ARMC2: variants seen among roughly 807,000 people sequenced by gnomAD.
ARMC2 encodes the protein armadillo repeat containing 2.
A neutral mutation model predicts 90.3 loss-of-function variants in ARMC2; 67 were observed. The ratio of observed to expected loss-of-function variants is 0.74; its 90% CI spans 0.61 to 0.91. ARMC2 has a LOEUF of 0.91. Ranked by LOEUF, ARMC2 falls within the 40% of genes least tolerant of loss-of-function variation. ARMC2 has a pLI of 0.00. For synonymous variants in ARMC2, 393 were observed against 393.0 expected, an observed-to-expected ratio of 1.00 and a Z score of 0.00; for missense variants, 920 against 1,030.9, an observed-to-expected ratio of 0.89 and a Z score of 1.47.
intron 17 of ARMC2, among the ~76,000 whole-genome samples, chr6:108,967,722 G>A (rs1375987492): frequency 1.3e-5 from 2 of 152,038 alleles, no homozygotes; most frequent in African/African-American, 4.8e-5. Flanking sequence ...TCTTTTTATT[G>A]TTGTTGTTTC....
At chr6:109,013,564 A>G in the ARMC2 span, among the ~76,000 whole-genome samples, 2 of 152,242 alleles carry the variant, frequency 1.3e-5, no homozygotes, top group African/African-American at 4.8e-5. Flanking sequence ...TAGAAAAAGC[A>G]GTAATTAGGT....
chr6:108,942,471 G>T (rs755152532), intron 12 of ARMC2, among the ~76,000 whole-genome samples: 1 of 152,164 alleles, frequency 6.6e-6, no homozygotes, highest in Non-Finnish European at 1.5e-5. Flanking sequence ...TCTGATGTGA[G>T]TGTATTGATC....
In ARMC2 at chr6:108,858,226, T is replaced by C. The variant is rs145671233; in HGVS notation, c.246T>C (p.Ser82=). The C allele has an allele frequency of 2.5e-6, 4 of 1,611,472 alleles. No individual in the cohort carries two copies. The highest frequency in any genetic ancestry group is 3.4e-6 in the Non-Finnish European group (4 of 1,178,132). The part of the protein sequence containing the change: ...FSLHASSFES[S]DSRPISGTRL... ...TCCATGCATCCAGTTTTGAGTCATC[T>C]GATTCCAGGCCTATCTCTGGCACAC... Residue 82 remains serine, a synonymous_variant, in exon 3 of 18, where the codon TCT becomes TCC. Coordinates refer to ENST00000392644, the MANE Select transcript of ARMC2 (RefSeq NM_032131.6).
intron 17 of ARMC2, among the ~76,000 whole-genome samples, chr6:108,967,513 T>A (rs1778454997): frequency 6.6e-6 from 1 of 152,134 alleles, no homozygotes; most frequent in Admixed American, 6.5e-5. Flanking sequence ...AGTCACCCCT[T>A]GGTATCTGGG....
chr6:108,903,029 G>A (rs1312295135), intron 7 of ARMC2, among the ~76,000 whole-genome samples: 1 of 152,104 alleles, frequency 6.6e-6, no homozygotes, highest in East Asian at 1.9e-4. Context: ...TTAGCCAGGT[G>A]TGGTGACAAG....
intron 10 of ARMC2, 132 bp downstream of exon 10, chr6:108,912,690 C>A: frequency 1.3e-6 from 1 of 748,102 alleles, no homozygotes; most frequent in Non-Finnish European, 2.2e-6. Flanking sequence ...GGGCAGCAGC[C>A]ATAGCCCACC....
intron 5 of ARMC2, among the ~76,000 whole-genome samples, chr6:108,890,062 C>T (rs1472558483): frequency 1.4e-5 from 2 of 147,476 alleles, no homozygotes; most frequent in East Asian, 2.0e-4. Flanking sequence ...TAGTGGCGGG[C>T]GCCTGTAGTC....
intron 3 of ARMC2, among the ~76,000 whole-genome samples, chr6:108,865,348 G>A (rs1775709700): frequency 6.6e-6 from 1 of 152,140 alleles, no homozygotes; most frequent in East Asian, 1.9e-4. Context: ...AATTTTATAA[G>A]AGAAACATGT....
At chr6:108,888,588 A>C (rs1273051874) in intron 5 of ARMC2, among the ~76,000 whole-genome samples, 6 of 152,236 alleles carry the variant, frequency 3.9e-5, no homozygotes, top group African/African-American at 7.2e-5. Flanking sequence ...ATTTCTTTTG[A>C]GTACATAAGT....
chr6:109,009,466 C>G, the ARMC2 span: 7 of 1,279,720 alleles, frequency 5.5e-6, no homozygotes, highest in South Asian at 1.8e-4. Context: ...CGCATGTCGG[C>G]GCGGGGACGG....
At chr6:108,884,751 G>A (rs1039489067) in intron 5 of ARMC2, among the ~76,000 whole-genome samples, 1 of 152,172 alleles carries the variant, frequency 6.6e-6, no homozygotes, top group African/African-American at 2.4e-5. Context: ...AAATAAAGGT[G>A]CACCACTGAG....
At chr6:108,980,905 C>CA in the ARMC2 span, among the ~76,000 whole-genome samples, 2 of 152,016 alleles carry the variant, frequency 1.3e-5, no homozygotes, top group Admixed American at 6.5e-5. Flanking sequence ...CAAAACAAAA[C>CA]AAAAAAACCT....
chr6:108,996,242 T>C, the ARMC2 span, among the ~76,000 whole-genome samples: 1 of 152,216 alleles, frequency 6.6e-6, no homozygotes, highest in Non-Finnish European at 1.5e-5. Flanking sequence ...TGCTTTACAT[T>C]TTCTTTTGAT....
chr6:108,962,986 G>A (rs936720137), intron 15 of ARMC2, among the ~76,000 whole-genome samples: 13 of 152,122 alleles, frequency 8.5e-5, no homozygotes, highest in Non-Finnish European at 1.9e-4. Flanking sequence ...GAGACAGAGC[G>A]ACACTCTATC....
At chr6:108,953,801 A>G (rs976130031) in intron 13 of ARMC2, among the ~76,000 whole-genome samples, 3 of 152,126 alleles carry the variant, frequency 2.0e-5, no homozygotes, top group African/African-American at 7.2e-5. Context: ...TTCTTACATT[A>G]TTTGTAATTA....
the ARMC2 span, chr6:108,986,987 C>CT: frequency 2.0e-5 from 3 of 152,550 alleles, no homozygotes; most frequent in East Asian, 1.9e-4. Context: ...GAATTCTATG[C>CT]TTTTTTAGAT....
At chr6:108,996,763 A>T in the ARMC2 span, among the ~76,000 whole-genome samples, 2 of 152,208 alleles carry the variant, frequency 1.3e-5, no homozygotes, top group Non-Finnish European at 2.9e-5. Flanking sequence ...GAACAGAATA[A>T]TACACCAACA....
chr6:108,990,580 C>T, the ARMC2 span: 1 of 1,447,264 alleles, frequency 6.9e-7, no homozygotes, highest in Non-Finnish European at 9.7e-7. Flanking sequence ...CATGTGCGCT[C>T]CAAGCACTTG....
chr6:109,011,697 C>T, the ARMC2 span, among the ~76,000 whole-genome samples: 1 of 150,402 alleles, frequency 6.6e-6, no homozygotes, highest in Non-Finnish European at 1.5e-5. Context: ...GGCATTATCA[C>T]AGTTCACTGC....
Sources: gnomAD v4.1 joint callset for allele counts (sites outside exome capture counted in the v4.1 genomes callset) on GRCh38, gnomAD v4.1.1 for gene constraint, MANE v1.5 for transcripts, NCBI Gene and HGNC (gene_info 2026-07-23, HGNC 2026-07-21) for gene names.